HYCC1: variants seen among roughly 807,000 people sequenced by gnomAD.
HYCC1 encodes hyccin PI4KA lipid kinase complex subunit 1, also known as hyccin.
chr7:22,961,273 A>C, the HYCC1 span: 1 of 1,608,678 alleles, frequency 6.2e-7, no homozygotes. Context: ...TGGGCTCTGT[A>C]TATAATATCA....
chr7:22,937,732 C>T, the HYCC1 span: 1 of 152,032 alleles, frequency 6.6e-6, no homozygotes, highest in Admixed American at 6.6e-5. Context: ...ATTATATTCC[C>T]ACAGGGCTGT....
the HYCC1 span, among the ~76,000 whole-genome samples, chr7:22,989,429 C>A: frequency 1.3e-5 from 2 of 152,152 alleles, no homozygotes; most frequent in Non-Finnish European, 2.9e-5. Flanking sequence ...CTCACTGCAA[C>A]TTTGAATTCC....
At chr7:22,936,584 A>G in the HYCC1 span, 1 of 152,348 alleles carries the variant, frequency 6.6e-6, no homozygotes, top group Non-Finnish European at 1.5e-5. Flanking sequence ...AAGAAGTCCA[A>G]TATGTTTAGC....
chr7:23,001,785 A>G, the HYCC1 span, among the ~76,000 whole-genome samples: 1 of 152,140 alleles, frequency 6.6e-6, no homozygotes, highest in African/African-American at 2.4e-5. Flanking sequence ...AGTGATCCAA[A>G]AACATGGGTG....
chr7:23,009,011 A>C, the HYCC1 span, among the ~76,000 whole-genome samples: 1 of 152,116 alleles, frequency 6.6e-6, no homozygotes, highest in Non-Finnish European at 1.5e-5. Context: ...CTGTTTAAAA[A>C]GAAAATTCAC....
At chr7:22,967,578 C>G in the HYCC1 span, among the ~76,000 whole-genome samples, 2 of 152,070 alleles carry the variant, frequency 1.3e-5, no homozygotes, top group Non-Finnish European at 2.9e-5. Flanking sequence ...AAAGGAGTAC[C>G]AAAATCAGAT....
At chr7:22,916,247 C>T in the HYCC1 span, among the ~76,000 whole-genome samples, 4 of 152,270 alleles carry the variant, frequency 2.6e-5, no homozygotes, top group African/African-American at 7.2e-5. Context: ...TCAGGATCTG[C>T]GCCTTATCAA....
the HYCC1 span, chr7:22,938,807 C>T: frequency 6.7e-6 from 1 of 148,700 alleles, no homozygotes; most frequent in African/African-American, 2.5e-5. Flanking sequence ...CTGAGGAACC[C>T]GTTAGAAATA....
chr7:22,948,609 G>A, the HYCC1 span, among the ~76,000 whole-genome samples: 1 of 151,960 alleles, frequency 6.6e-6, no homozygotes, highest in Non-Finnish European at 1.5e-5. Context: ...AGTTGTTACG[G>A]GTGCCTTGGA....
At chr7:22,923,363 T>A in the HYCC1 span, among the ~76,000 whole-genome samples, 1 of 152,028 alleles carries the variant, frequency 6.6e-6, no homozygotes, top group Non-Finnish European at 1.5e-5. Flanking sequence ...TGAATGAAAA[T>A]GAAAATACAA....
At chr7:22,903,232 C>A in the HYCC1 span, among the ~76,000 whole-genome samples, 4 of 151,778 alleles carry the variant, frequency 2.6e-5, no homozygotes, top group African/African-American at 9.7e-5. Flanking sequence ...TATATTCAAG[C>A]GAAATGAAAA....
the HYCC1 span, among the ~76,000 whole-genome samples, chr7:22,922,281 T>C: frequency 6.6e-6 from 1 of 152,196 alleles, no homozygotes; most frequent in Non-Finnish European, 1.5e-5. Context: ...GATTGTCAGA[T>C]TGGATAAAAA....
chr7:22,946,922 A>G, the HYCC1 span: 1 of 1,524,756 alleles, frequency 6.6e-7, no homozygotes, highest in Non-Finnish European at 8.8e-7. Flanking sequence ...GCTGCTTAAC[A>G]TGCATCAGTG....
the HYCC1 span, chr7:22,978,488 T>C: frequency 6.7e-7 from 1 of 1,502,276 alleles, no homozygotes. Context: ...AACTGGACTG[T>C]ATTTGAATGG....
At chr7:23,002,162 A>ATATAAAAT in the HYCC1 span, among the ~76,000 whole-genome samples, 1 of 35,486 alleles carries the variant, frequency 2.8e-5, no homozygotes, top group Admixed American at 3.5e-4. Context: ...ATATATATAT[A>ATATAAAAT]TATATATATA....
the HYCC1 span, among the ~76,000 whole-genome samples, chr7:22,951,035 A>T: frequency 6.6e-6 from 1 of 151,882 alleles, no homozygotes; most frequent in Non-Finnish European, 1.5e-5. Context: ...TAGAAATGAA[A>T]GTTAAAGAAT....
chr7:23,000,562 G>C, the HYCC1 span, among the ~76,000 whole-genome samples: 1 of 151,936 alleles, frequency 6.6e-6, no homozygotes, highest in African/African-American at 2.4e-5. Flanking sequence ...ATATATCATG[G>C]ACATTTTTTA....
the HYCC1 span, among the ~76,000 whole-genome samples, chr7:23,002,180 A>ATATG: frequency 8.2e-6 from 1 of 122,262 alleles, no homozygotes; most frequent in African/African-American, 3.1e-5. Context: ...ATATATACAT[A>ATATG]TAGTTTGCGG....
At chr7:22,984,984 G>A in the HYCC1 span, among the ~76,000 whole-genome samples, 1 of 152,166 alleles carries the variant, frequency 6.6e-6, no homozygotes, top group African/African-American at 2.4e-5. Flanking sequence ...GAATAAAAGA[G>A]TAGGGAAATC....
Sources: allele counts gnomAD v4.1 joint callset (sites outside exome capture counted in the v4.1 genomes callset), GRCh38; gene constraint gnomAD v4.1.1; transcripts MANE v1.5; gene names NCBI Gene and HGNC (gene_info 2026-07-23, HGNC 2026-07-21).